The following CFAP126 variants were observed in gnomAD, a reference collection of about 807,000 sequenced individuals.
The protein encoded by CFAP126 is cilia and flagella associated protein 126, also known as protein Flattop.
Under a neutral mutation model 17.1 loss-of-function variants are expected in CFAP126, and 21 were observed. The ratio of observed to expected loss-of-function variants is 1.23; its 90% confidence interval spans 0.87 to 1.77. The LOEUF is 1.77. Ranked by LOEUF, CFAP126 falls within the 40% of genes most tolerant of loss-of-function variation. The pLI is 0.00. For missense variants in CFAP126, 174 were observed against 215.4 expected, an observed-to-expected ratio of 0.81 and a Z score of 1.20; for synonymous variants, 65 against 73.5, an observed-to-expected ratio of 0.88 and a Z score of 0.59.
At chr1:161,365,433 G>T in intron 4 of CFAP126, 93 bp downstream of exon 4, 1 of 1,449,106 alleles carries the variant, frequency 6.9e-7, no homozygotes, top group Non-Finnish European at 9.6e-7. Context: ...GGTCCCCCAT[G>T]CTGGGATAGT....
rs781133623 is a variant in CFAP126 at position 161,366,453 on chromosome 1, T to G, written c.76A>C (p.Lys26Gln). Residue 26 changes from lysine to glutamine, a missense_variant, in exon 2 of 5, where the codon AAG becomes CAG. By Grantham distance (53) the Lys-to-Gln change is moderately conservative (BLOSUM62 1). Transcript: ENST00000367974. ...SKYLQNWSPTKPTKESISSHE... is the reference protein window; with the variant it reads ...SKYLQNWSPTQPTKESISSHE... Reference sequence around the variant, plus strand: ...ACATGGAATACCTCTTTTGTTGGCTTAGTGGGAGACCAGTTCTGCAGATAC... The same window carrying G: ...ACATGGAATACCTCTTTTGTTGGCTGAGTGGGAGACCAGTTCTGCAGATAC... 2.2e-5 allele frequency: 36 copies of G among 1,614,042 alleles called. No individual in the cohort carries two copies. Among genetic ancestry groups the G allele is most frequent in the Non-Finnish European group, 3.0e-5 (35 of 1,179,910 alleles).
At chr1:161,367,798 A>G (rs199688258) in intron 1 of CFAP126, 44 bp downstream of exon 1, 3 of 1,578,950 alleles carry the variant, frequency 1.9e-6, no homozygotes, top group South Asian at 2.2e-5. Flanking sequence ...ATAGAATCTG[A>G]AAAACAAAAG....
intron 2 of CFAP126, 58 bp from the exon 3 acceptor site, chr1:161,366,336 G>T (rs1216639081): frequency 1.2e-5 from 19 of 1,573,470 alleles, no homozygotes; most frequent in Non-Finnish European, 1.7e-5. Context: ...AGTATTTGGG[G>T]AGCTTGGTCA....
At chr1:161,366,851 G>A in intron 1 of CFAP126, 1 of 267,714 alleles carries the variant, frequency 3.7e-6, no homozygotes, top group Non-Finnish European at 7.2e-6. Flanking sequence ...CTAGCTCACT[G>A]CAGCCTTGGA....
At chr1:161,367,665 C>T in intron 1 of CFAP126, 177 bp downstream of exon 1, 1 of 510,402 alleles carries the variant, frequency 2.0e-6, no homozygotes, top group East Asian at 3.2e-5. Flanking sequence ...ACAAATTTAA[C>T]CAAGAGATAC....
chr1:161,367,610 C>T (rs1021037189), intron 1 of CFAP126: 19 of 408,512 alleles, frequency 4.7e-5, no homozygotes, highest in African/African-American at 1.8e-4. Flanking sequence ...TTTTACACTC[C>T]GCCCTTTTAC....
intron 2 of CFAP126, 74 bp downstream of exon 2, chr1:161,366,365 T>G: frequency 6.4e-7 from 1 of 1,570,838 alleles, no homozygotes; most frequent in South Asian, 1.1e-5. Flanking sequence ...TATGGGAGTT[T>G]AGAGAATGCT....
intron 2 of CFAP126, 67 bp downstream of exon 2, chr1:161,366,372 T>C (rs1672730824): frequency 6.4e-7 from 1 of 1,571,454 alleles, no homozygotes; most frequent in Non-Finnish European, 8.8e-7. Context: ...GTTTAGAGAA[T>C]GCTAAAAGGA....
chr1:161,364,884 G>A lies in CFAP126; in HGVS notation c.*81C>T. ...TGTGTGGCCACTTGGTCCATATGAA[G>A]TTCCAGGTTTGTATTTCTGGACCTC... On this transcript the variant is annotated 3_prime_UTR_variant, in exon 5 of 5. Transcript: ENST00000367974. 7.3e-7 allele frequency: 1 copy of A among 1,368,492 alleles called. No homozygotes were observed. The highest frequency in any genetic ancestry group is 1.3e-5 in the South Asian group (1 of 79,386). The allele number at this position is 1,368,492 out of a possible 1,614,324, so 84.8% of individuals were successfully genotyped here. A position where few individuals can be genotyped will look rare whatever the true frequency, so the allele number is the denominator to read the frequency against.
intron 2 of CFAP126, 80 bp from the exon 3 acceptor site, chr1:161,366,358 G>A: frequency 1.3e-6 from 2 of 1,565,990 alleles, no homozygotes; most frequent in South Asian, 2.2e-5. Context: ...AGAAGGATAT[G>A]GGAGTTTAGA....
In CFAP126 at chr1:161,365,601, G is replaced by A. The variant is rs763081807; in HGVS notation, c.273C>T (p.Ser91=). ...GATTTTTCTGTATCCATTTGGTGAG[G>A]GAGGCAGCACCAGCAGTTGTACGGG... ...LTSRTTAGAA[S]LTKWIQKNPD... The change falls in exon 4 of 5, where the codon TCC becomes TCT. Residue 91 remains serine, a synonymous_variant. Transcript: ENST00000367974. 3 of 1,614,128 alleles carry A rather than the reference G, an allele frequency of 1.9e-6. No homozygotes were observed. The highest frequency in any genetic ancestry group is 2.5e-6 in the Non-Finnish European group (3 of 1,180,004).
chr1:161,367,065 A>C (rs756267992), intron 1 of CFAP126: 1 of 152,678 alleles, frequency 6.5e-6, no homozygotes, highest in Non-Finnish European at 1.5e-5. Flanking sequence ...GTGAGCTACA[A>C]CACCCAGCAG....
intron 1 of CFAP126, 23 bp downstream of exon 1, chr1:161,367,819 A>T (rs1672788284): frequency 3.1e-6 from 5 of 1,606,424 alleles, no homozygotes; most frequent in Non-Finnish European, 4.3e-6. Context: ...TAAACGTTAA[A>T]GAAATGGAGA....
Position 161,365,518 on chromosome 1 carries a change from A to T in CFAP126, c.348+8T>A, listed in dbSNP as rs759373940. 6.2e-7 allele frequency: 1 copy of T among 1,613,850 alleles called. No homozygotes were observed. Among genetic ancestry groups the T allele is most frequent in the Non-Finnish European group, 8.5e-7 (1 of 1,179,814 alleles). On this transcript the variant is annotated splice_region_variant and intron_variant, in intron 4 of 4. Coordinates refer to ENST00000367974, the MANE Select transcript of CFAP126 (RefSeq NM_001013625.4). ...CAGGGTTTTGGGTTAGATGGGAAGA[A>T]TAGATACCTTGCCTAAGATTTCAGG...
chr1:161,365,210 A>G (rs1672686789), intron 4 of CFAP126, 60 bp from the exon 5 acceptor site: 4 of 1,510,002 alleles, frequency 2.6e-6, no homozygotes, highest in East Asian at 4.5e-5. Flanking sequence ...GATCATTCCT[A>G]ATGCACCTCA....
chr1:161,364,764 A>T lies in CFAP126; in HGVS notation c.*201T>A. On this transcript the variant is annotated 3_prime_UTR_variant, in exon 5 of 5. Transcript: ENST00000367974. ...TCAACAAAAAAAAGTTTATTTTCCAAATTTGCTTTTACTCCCACCCCAAAA... is the reference window on the plus strand; with the variant it reads ...TCAACAAAAAAAAGTTTATTTTCCATATTTGCTTTTACTCCCACCCCAAAA... 3 of 530,696 alleles carry T rather than the reference A, an allele frequency of 5.7e-6. No individual in the cohort carries two copies. The highest frequency in any genetic ancestry group is 9.8e-6 in the Non-Finnish European group (3 of 305,242). 32.9% of individuals were successfully genotyped at this position (530,696 alleles called of 1,614,324 possible).
Position 161,365,680 on chromosome 1 carries a change from A to T in CFAP126, c.194T>A (p.Met65Lys), listed in dbSNP as rs146503475. The change falls in exon 4 of 5, where the codon ATG (methionine) becomes AAG (lysine). Residue 65 changes from methionine (M) to lysine (K), a missense_variant. By Grantham distance (95) the Met-to-Lys change is moderately conservative. Coordinates refer to ENST00000367974, the MANE Select transcript of CFAP126 (RefSeq NM_001013625.4). The stretch of plus-strand genomic sequence containing the variant: ...CTTCAGAGGCATTTGCCAGGTGCCC[A>T]TGAAGGAACCCCAAGGATTTGCCTA... Reference protein sequence around the residue: ...RSKANPWGSFMGTWQMPLKIP... With the variant: ...RSKANPWGSFKGTWQMPLKIP... 3.6e-4 allele frequency: 574 copies of T among 1,600,010 alleles called. 7 individuals carry two copies. The South Asian group carries it at 4.5e-3, about 13-fold the overall frequency.
intron 1 of CFAP126, chr1:161,366,865 C>T (rs1458841043): frequency 8.4e-6 from 2 of 237,464 alleles, no homozygotes; most frequent in Non-Finnish European, 1.7e-5. Flanking sequence ...CCTTGGACAC[C>T]TGGGTTCAAG....
Position 161,364,913 on chromosome 1 carries a change from T to C in CFAP126, c.*52A>G. 6.5e-7 allele frequency: 1 copy of C among 1,548,506 alleles called. No homozygotes were observed. Among genetic ancestry groups the C allele is most frequent in the Non-Finnish European group, 8.9e-7 (1 of 1,127,096 alleles). ...CAGGTTTGTATTTCTGGACCTCAGC[T>C]AGATTAGGCCCTGCCCAGAGTTCTA... On this transcript the variant is annotated 3_prime_UTR_variant, in exon 5 of 5. Transcript: ENST00000367974.
Sources: allele counts gnomAD v4.1 joint callset, GRCh38; gene constraint gnomAD v4.1.1; transcripts MANE v1.5; gene names NCBI Gene and HGNC (gene_info 2026-07-23, HGNC 2026-07-21).